The following AGBL1 variants were observed in gnomAD, a reference collection of about 807,000 sequenced individuals.
The protein encoded by AGBL1 is cytosolic carboxypeptidase 4.
AGBL1 carries 130 observed loss-of-function variants against 118.9 expected under a neutral mutation model. The ratio of observed to expected loss-of-function variants is 1.09; its 90% CI spans 0.95 to 1.26. The LOEUF is 1.26. AGBL1 is among the 50% of genes most tolerant of loss of function. AGBL1 has a pLI of 0.00. For synonymous variants in AGBL1, 555 were observed against 478.9 expected, an observed-to-expected ratio of 1.16 and a Z score of -2.08; for missense variants, 1,584 against 1,298.1, an observed-to-expected ratio of 1.22 and a Z score of -3.38.
chr15:86,167,396 C>T (rs899728349), intron 5 of AGBL1, among the ~76,000 whole-genome samples: 3 of 152,122 alleles, frequency 2.0e-5, no homozygotes, highest in Non-Finnish European at 4.4e-5. Flanking sequence ...CAGGTGCCCA[C>T]CATCATGCCC....
At chr15:86,084,806 G>A (rs995162496) in intron 1 of AGBL1, among the ~76,000 whole-genome samples, 2 of 150,460 alleles carry the variant, frequency 1.3e-5, no homozygotes, top group Non-Finnish European at 3.0e-5. Flanking sequence ...CTATCCATCT[G>A]TATATTCACT....
At chr15:86,287,795 C>T (rs555687925) in intron 16 of AGBL1, among the ~76,000 whole-genome samples, 1 of 152,222 alleles carries the variant, frequency 6.6e-6, no homozygotes, top group Non-Finnish European at 1.5e-5. Flanking sequence ...TTCAGCAAGA[C>T]AGTGTTTCCC....
intron 4 of AGBL1, among the ~76,000 whole-genome samples, chr15:86,155,471 C>T (rs182021179): frequency 6.6e-5 from 10 of 152,034 alleles, no homozygotes; most frequent in Middle Eastern, 3.4e-3. Context: ...AAAAGTGAAG[C>T]GATTGCTTGA....
In AGBL1 at chr15:86,977,986, TCTAAG is replaced by T. The variant is rs373018644; in HGVS notation, c.3222-9997_3222-9993del. Among the ~76,000 whole-genome samples the T allele has an allele frequency of 7.1e-3, 1,077 of 152,300 alleles. 13 individuals carry two copies. Among genetic ancestry groups the T allele is most frequent in the Middle Eastern group, 0.034 (10 of 294 alleles). On this transcript the variant is annotated intron_variant, in intron 23 of 24. Coordinates refer to the AGBL1 transcript ENST00000441037. ...ATGTTAAATTTTATCAAAATTATCT[TCTAAG>T]CTATCATGTTTCTAAGACTATCATG...
chr15:86,793,026 C>T (rs895063175), intron 22 of AGBL1, among the ~76,000 whole-genome samples: 4 of 151,896 alleles, frequency 2.6e-5, no homozygotes, highest in Admixed American at 6.6e-5. Flanking sequence ...AAAATAGTAA[C>T]CGTAGTTAAT....
At chr15:86,773,559 G>A (rs954520123) in intron 22 of AGBL1, among the ~76,000 whole-genome samples, 7 of 135,380 alleles carry the variant, frequency 5.2e-5, no homozygotes, top group African/African-American at 2.0e-4. Flanking sequence ...GTGTCCATGT[G>A]TTCTCATTGT....
intron 1 of AGBL1, among the ~76,000 whole-genome samples, chr15:86,092,049 A>G (rs898241567): frequency 1.3e-5 from 2 of 152,140 alleles, no homozygotes; most frequent in Non-Finnish European, 2.9e-5. Flanking sequence ...CTTGCTTATA[A>G]AAATAGTTGT....
At chr15:86,082,303 G>C (rs1895340165) in intron 1 of AGBL1, among the ~76,000 whole-genome samples, 2 of 152,226 alleles carry the variant, frequency 1.3e-5, no homozygotes. Flanking sequence ...AGCTGAACCT[G>C]TCTCAGTTGG....
chr15:86,514,721 A>T (rs942255225), intron 18 of AGBL1, among the ~76,000 whole-genome samples: 15 of 152,066 alleles, frequency 9.9e-5, no homozygotes, highest in Non-Finnish European at 1.5e-5. Context: ...TCTGTTTGTT[A>T]TACCCCATGT....
intron 1 of AGBL1, among the ~76,000 whole-genome samples, chr15:86,085,671 G>A (rs1895595830): frequency 6.6e-6 from 1 of 152,142 alleles, no homozygotes; most frequent in African/African-American, 2.4e-5. Context: ...CCTCATCCTA[G>A]TATCTCAGCT....
rs574015185 is a variant in AGBL1, at chr15:86,966,729, T to C, written c.3222-21258T>C. Among the ~76,000 whole-genome samples, 5 of 152,320 alleles carry C rather than the reference T, an allele frequency of 3.3e-5. No homozygotes were observed. In the East Asian group the frequency reaches 9.7e-4, roughly 29 times the overall value. On this transcript the variant is annotated intron_variant, in intron 23 of 24. Coordinates refer to the AGBL1 transcript ENST00000441037. ...TTTTCTTAATCCAGTCTATCATTGC[T>C]GGACATTTGGCTTGGTTCCAAGTCT... is the stretch of plus-strand genomic sequence containing the variant.
rs71144074 is a variant in AGBL1, at chr15:86,827,938, C to CTTTTTTTTTTTTTT, written c.3159-79142_3159-79129dup. 4.8e-3 allele frequency among the ~76,000 whole-genome samples: 81 copies of CTTTTTTTTTTTTTT among 16,756 alleles called. 22 individuals carry two copies. The highest frequency in any genetic ancestry group is 6.3e-3 in the Non-Finnish European group (54 of 8,578). 11.0% of individuals were successfully genotyped at this position (16,756 alleles called of 152,430 possible). On this transcript the variant is annotated intron_variant, in intron 22 of 22. Transcript: ENST00000614907. ...ATAGTCTCTGGCACTTGATGTAGGG[C>CTTTTTTTTTTTTTT]TTTTTTTTTTTTTTTTTTTTGAGAC... is the stretch of plus-strand genomic sequence containing the variant.
chr15:86,261,689 C>T (rs1416048372), intron 9 of AGBL1, among the ~76,000 whole-genome samples: 3 of 151,864 alleles, frequency 2.0e-5, no homozygotes, highest in Non-Finnish European at 4.4e-5. Flanking sequence ...CTGGTTCATT[C>T]CTGGTGTCTT....
intron 17 of AGBL1, among the ~76,000 whole-genome samples, chr15:86,380,030 C>T (rs983548779): frequency 6.6e-6 from 1 of 152,172 alleles, no homozygotes; most frequent in Non-Finnish European, 1.5e-5. Context: ...AATCCTTTGG[C>T]ATGGTCTAGG....
chr15:86,667,214 CTATG>C (rs769766717), intron 21 of AGBL1, among the ~76,000 whole-genome samples: 9,807 of 35,544 alleles, frequency 0.28, 666 homozygotes, highest in Middle Eastern at 0.33. Flanking sequence ...ATGTATGTAT[CTATG>C]TATGTATGTA....
intron 24 of AGBL1, among the ~76,000 whole-genome samples, chr15:86,990,363 A>C (rs2081325861): frequency 6.6e-6 from 1 of 152,112 alleles, no homozygotes; most frequent in Admixed American, 6.5e-5. Context: ...AAAAATACAA[A>C]AATTAGCCAC....
chr15:86,478,267 A>C (rs1350266207), intron 18 of AGBL1, among the ~76,000 whole-genome samples: 1 of 152,210 alleles, frequency 6.6e-6, no homozygotes, highest in Non-Finnish European at 1.5e-5. Flanking sequence ...AAGGGTATTC[A>C]ATTAGGAAAA....
chr15:86,878,044 A>G (rs2079837212), intron 22 of AGBL1, among the ~76,000 whole-genome samples: 1 of 152,214 alleles, frequency 6.6e-6, no homozygotes, highest in Admixed American at 6.5e-5. Flanking sequence ...CTGTTCTGGA[A>G]CAGAAAATAC....
chr15:86,932,713 T>C (rs1482344166), intron 23 of AGBL1, among the ~76,000 whole-genome samples: 1 of 152,210 alleles, frequency 6.6e-6, no homozygotes, highest in Non-Finnish European at 1.5e-5. Flanking sequence ...CCCATTCTCC[T>C]GCTTCACTGC....
Sources: allele counts gnomAD v4.1 joint callset (sites outside exome capture counted in the v4.1 genomes callset), GRCh38; gene constraint gnomAD v4.1.1; transcripts MANE v1.5; gene names NCBI Gene and HGNC (gene_info 2026-07-23, HGNC 2026-07-21).